Variants in DEF6 observed in about 807,000 individuals in gnomAD.
DEF6 encodes the protein DEF6 guanine nucleotide exchange factor.
In DEF6, 32 loss-of-function variants were observed where a neutral mutation model predicts 80.5. The ratio of observed to expected loss-of-function variants is 0.40; its 90% CI spans 0.30 to 0.53. The LOEUF is 0.53. Ranked by LOEUF, DEF6 falls within the 20% of genes least tolerant of loss-of-function variation. The pLI is 0.57. For missense variants in DEF6, 575 were observed against 818.7 expected, an observed-to-expected ratio of 0.70 and a Z score of 3.63; for synonymous variants, 300 against 337.9, an observed-to-expected ratio of 0.89 and a Z score of 1.23.
chr6:35,305,804 C>T (rs1450339874), intron 1 of DEF6, among the ~76,000 whole-genome samples: 1 of 152,218 alleles, frequency 6.6e-6, no homozygotes, highest in Non-Finnish European at 1.5e-5. Context: ...AACTCCTGAC[C>T]TCAAGTGATC....
At chr6:35,314,438 AT>A (rs1296647124) in intron 5 of DEF6, among the ~76,000 whole-genome samples, 1 of 145,386 alleles carries the variant, frequency 6.9e-6, no homozygotes, top group African/African-American at 2.5e-5. Context: ...GATGTTCTCT[AT>A]TTTTTTTGTA....
intron 1 of DEF6, among the ~76,000 whole-genome samples, chr6:35,308,268 T>C (rs990591321): frequency 6.6e-6 from 1 of 151,984 alleles, no homozygotes; most frequent in African/African-American, 2.4e-5. Context: ...TAGTGGCTCA[T>C]GCCTGAAATC....
chr6:35,298,300 G>A (rs1266962568), intron 1 of DEF6, among the ~76,000 whole-genome samples: 1 of 152,350 alleles, frequency 6.6e-6, no homozygotes. Context: ...ACAGAGTCAT[G>A]CTTGGGCACG....
Position 35,297,843 on chromosome 6 carries a change from C to T in DEF6, c.-14C>T, listed in dbSNP as rs769654820. The T allele has an allele frequency of 5.7e-6, 9 of 1,579,990 alleles. No individual in the cohort carries two copies. Among genetic ancestry groups the T allele is most frequent in the Non-Finnish European group, 7.7e-6 (9 of 1,163,320 alleles). ...AGTGTCAGAGCCGCCCCCAGCCGGGCGGGCGCCTCAGCCATGGCCCTGCGC... is the reference window on the plus strand; with the variant it reads ...AGTGTCAGAGCCGCCCCCAGCCGGGTGGGCGCCTCAGCCATGGCCCTGCGC... On this transcript the variant is annotated 5_prime_UTR_variant, in exon 1 of 11. Coordinates refer to ENST00000316637, the MANE Select transcript of DEF6 (RefSeq NM_022047.4).
chr6:35,310,259 G>C (rs1197666992), intron 2 of DEF6, among the ~76,000 whole-genome samples, 200 bp from the exon 3 acceptor site: 2 of 152,164 alleles, frequency 1.3e-5, no homozygotes, highest in African/African-American at 4.8e-5. Flanking sequence ...GGCCTGGGTG[G>C]GTGTGGGTGT....
chr6:35,303,342 C>A lies in DEF6; in HGVS notation c.96+5390C>A, dbSNP rs894461684. ...GGGTCGGGGAGGGCATTCATAGGTC[C>A]TCTCCTAAGACTCCCTTTTTAGAGA... On this transcript the variant is annotated intron_variant, in intron 1 of 10. Transcript: ENST00000316637. Among the ~76,000 whole-genome samples the A allele has an allele frequency of 5.9e-5, 9 of 152,214 alleles. No homozygotes were observed. In the East Asian group the frequency reaches 1.7e-3, roughly 29 times the overall value.
chr6:35,320,963 T>C lies in DEF6; in HGVS notation c.1661T>C (p.Ile554Thr), dbSNP rs1791583441. Residue 554 changes from isoleucine (I) to threonine (T), a missense_variant, in exon 10 of 11, where the codon ATT becomes ACT. Ile to Thr is a moderately conservative substitution (Grantham distance 89). Transcript: ENST00000316637. The part of the protein sequence containing the change: ...NVQMNRLMHP[I>T]EPGDKRPVTS... ...CAGATGAACCGGCTGATGCATCCAA[T>C]TGAGCCTGGAGGTGAGAAGGAATAG... The C allele has an allele frequency of 6.2e-7, 1 of 1,612,940 alleles. No individual in the cohort carries two copies. Among genetic ancestry groups the C allele is most frequent in the Non-Finnish European group, 8.5e-7 (1 of 1,179,436 alleles).
At chr6:35,301,638 T>A (rs1791315314) in intron 1 of DEF6, among the ~76,000 whole-genome samples, 2 of 152,032 alleles carry the variant, frequency 1.3e-5, no homozygotes, top group South Asian at 4.2e-4. Flanking sequence ...TCCCACCTTT[T>A]AAAATTTCCA....
chr6:35,317,115 A>G (rs1305935587), intron 5 of DEF6, among the ~76,000 whole-genome samples: 2 of 49,302 alleles, frequency 4.1e-5, no homozygotes, highest in African/African-American at 1.3e-4. Flanking sequence ...CCATTTCCTT[A>G]CCAACAGTTG....
At position 35,309,741 on chromosome 6, in the gene DEF6, A is replaced by G. The variant is rs147491544; in HGVS notation, c.168A>G (p.Arg56=). ...CCGTGGCCCTGGAGGAACACTTCCGAGATGATGATGACGGCCCTGTGTCCA... is the reference window on the plus strand; with the variant it reads ...CCGTGGCCCTGGAGGAACACTTCCGGGATGATGATGACGGCCCTGTGTCCA... ...HDPVALEEHF[R]DDDDGPVSSQ... The change falls in exon 2 of 11, where the codon CGA becomes CGG. Residue 56 remains arginine (R), a synonymous_variant. Transcript: ENST00000316637. 1.2e-6 allele frequency: 2 copies of G among 1,613,834 alleles called. No homozygotes were observed. Among genetic ancestry groups the G allele is most frequent in the African/African-American group, 2.7e-5 (2 of 74,832 alleles).
intron 3 of DEF6, among the ~76,000 whole-genome samples, chr6:35,311,257 C>T (rs1429085527): frequency 6.6e-6 from 1 of 152,116 alleles, no homozygotes; most frequent in Non-Finnish European, 1.5e-5. Context: ...ACTTCCCTCC[C>T]CTGCCCATTT....
intron 5 of DEF6, among the ~76,000 whole-genome samples, chr6:35,314,017 A>G (rs1791496634): frequency 6.6e-6 from 1 of 152,222 alleles, no homozygotes; most frequent in South Asian, 2.1e-4. Flanking sequence ...AGGAACCTTC[A>G]TACAGTTTTC....
Position 35,312,406 on chromosome 6 carries a change from C to CG in DEF6, c.534dup (p.Leu179AlafsTer73), listed in dbSNP as rs766609884. The CG allele has an allele frequency of 1.2e-6, 2 of 1,613,986 alleles. No individual in the cohort carries two copies. The highest frequency in any genetic ancestry group is 1.3e-5 in the African/African-American group (1 of 74,924). On this transcript the variant is annotated frameshift_variant, in exon 4 of 11. Transcript: ENST00000316637. LOFTEE classifies it high-confidence loss of function. This position sits in a 1 kb window ranked among gnomAD's most constrained non-coding sequence, Gnocchi z 6.6. ...AGGAGGCCCAGGTGGCCCAGACCAC[C>CG]GGGGGGCTCAGCGTCTGGCAGTTCC...
At chr6:35,298,009 C>T (rs992688627) in intron 1 of DEF6, 57 bp downstream of exon 1, 46 of 1,434,976 alleles carry the variant, frequency 3.2e-5, no homozygotes, top group South Asian at 2.8e-4. Context: ...CAGCCCCTGC[C>T]GCCTGGGAGC....
Position 35,309,760 on chromosome 6 carries a change from G to C in DEF6, c.187G>C (p.Val63Leu), listed in dbSNP as rs1331334063. The change falls in exon 2 of 11, where the codon GTG becomes CTG. Residue 63 changes from valine to leucine, a missense_variant. Physicochemically the swap from Val to Leu is conservative, Grantham distance 32 (BLOSUM62 1). Coordinates refer to ENST00000316637, the MANE Select transcript of DEF6 (RefSeq NM_022047.4). ...EHFRDDDDGP[V>L]SSQGYMPYLN... ...CTTCCGAGATGATGATGACGGCCCT[G>C]TGTCCAGCCAGGGATACATGCCCTA... The C allele has an allele frequency of 6.2e-7, 1 of 1,613,964 alleles. No homozygotes were observed. The highest frequency in any genetic ancestry group is 8.5e-7 in the Non-Finnish European group (1 of 1,180,008).
intron 1 of DEF6, among the ~76,000 whole-genome samples, chr6:35,306,468 G>C (rs138225329): frequency 1.3e-5 from 2 of 151,086 alleles, no homozygotes; most frequent in Non-Finnish European, 2.9e-5. Flanking sequence ...CCGAGATCAC[G>C]CCATTGCACT....
chr6:35,312,508 C>T lies in DEF6; in HGVS notation c.630C>T (p.Tyr210=), dbSNP rs1269974343. 6.2e-7 allele frequency: 1 copy of T among 1,614,144 alleles called. No homozygotes were observed. ...TCAGCATGGCCATCCACGAGGTCTA[C>T]CAGGAGCTCATCCAAGATGTCCTGA... ...DTLSMAIHEV[Y]QELIQDVLKQ... Residue 210 remains tyrosine, a synonymous_variant, in exon 4 of 11, where the codon TAC becomes TAT. Coordinates refer to ENST00000316637, the MANE Select transcript of DEF6 (RefSeq NM_022047.4). This position sits in a 1 kb window ranked among gnomAD's most constrained non-coding sequence, Gnocchi z 6.6.
In DEF6 at chr6:35,318,498, C is replaced by CGGGACCGGTGGGCT; in HGVS notation, c.1215+32_1215+45dup. On this transcript the variant is annotated intron_variant, in intron 7 of 10. Transcript: ENST00000316637. The surrounding 1 kb of genome is among the most constrained non-coding windows in gnomAD (Gnocchi z 5.1). Reference sequence around the variant, plus strand: ...TGGGGTTAGCTCCCGGCGCCGGGGACGGGACCGGTGGGCTGGGAGGCTGGC... The same window carrying CGGGACCGGTGGGCT: ...TGGGGTTAGCTCCCGGCGCCGGGGACGGGACCGGTGGGCTGGGACCGGTGGGCTGGGAGGCTGGC... 7.3e-7 allele frequency: 1 copy of CGGGACCGGTGGGCT among 1,372,046 alleles called. No homozygotes were observed. Among genetic ancestry groups the CGGGACCGGTGGGCT allele is most frequent in the Non-Finnish European group, 9.3e-7 (1 of 1,071,172 alleles). 85.0% of individuals were successfully genotyped at this position (1,372,046 alleles called of 1,614,324 possible). A position where few individuals can be genotyped will look rare whatever the true frequency, so the allele number is the denominator to read the frequency against.
rs1017587021 is a variant in DEF6, at chr6:35,321,450, C to T, written c.*40C>T. The T allele has an allele frequency of 6.4e-7, 1 of 1,573,384 alleles. No homozygotes were observed. Among genetic ancestry groups the T allele is most frequent in the Non-Finnish European group, 8.7e-7 (1 of 1,148,498 alleles). ...TTGTTCTTCCCAATGTCATATCCAC[C>T]AGGACCTGGCCACAGCTGGCCTGTG... On this transcript the variant is annotated 3_prime_UTR_variant, in exon 11 of 11. Coordinates refer to ENST00000316637, the MANE Select transcript of DEF6 (RefSeq NM_022047.4).
Sources: allele counts gnomAD v4.1 joint callset (sites outside exome capture counted in the v4.1 genomes callset), GRCh38; gene constraint gnomAD v4.1.1; non-coding constraint Gnocchi (gnomAD v3.1); transcripts MANE v1.5; gene names NCBI Gene and HGNC (gene_info 2026-07-23, HGNC 2026-07-21).